Variants in AKAP6 observed in about 807,000 individuals in gnomAD.
AKAP6 encodes the protein A-kinase anchoring protein 6, also known as A-kinase anchor protein 6.
In AKAP6, 58 loss-of-function variants were observed where a neutral mutation model predicts 188.5. The ratio of observed to expected loss-of-function variants is 0.31; its 90% CI spans 0.25 to 0.38. AKAP6 has a LOEUF of 0.38. Ranked by LOEUF, AKAP6 falls within the 10% of genes least tolerant of loss-of-function variation. The pLI is 1.00. For missense variants in AKAP6, 2,710 were observed against 2,740.0 expected (o/e 0.99, Z 0.24); for synonymous variants, 989 against 998.6 (o/e 0.99, Z 0.18).
At chr14:32,697,889 A>G (rs1329987175) in intron 9 of AKAP6, among the ~76,000 whole-genome samples, 1 of 151,910 alleles carries the variant, frequency 6.6e-6, no homozygotes, top group Non-Finnish European at 1.5e-5. Flanking sequence ...CCCACTCAGA[A>G]CTTCTGGGTT....
At chr14:32,687,425 TC>T (rs1379705356) in intron 8 of AKAP6, among the ~76,000 whole-genome samples, 16 of 149,496 alleles carry the variant, frequency 1.1e-4, no homozygotes, top group African/African-American at 3.0e-4. Flanking sequence ...TCTCTCTCTC[TC>T]TCTCTCTCTC....
At chr14:32,682,996 T>TTTTTTTTTTTTGTTTTTGA (rs1445255344) in intron 8 of AKAP6, among the ~76,000 whole-genome samples, 59 of 102,806 alleles carry the variant, frequency 5.7e-4, no homozygotes, top group Middle Eastern at 4.4e-3. Context: ...TTTTTCTTCC[T>TTTTTTTTTTTTGTTTTTGA]TTTTTTTTTG....
At chr14:32,538,879 G>C (rs1023697217) in intron 3 of AKAP6, among the ~76,000 whole-genome samples, 1 of 152,008 alleles carries the variant, frequency 6.6e-6, no homozygotes, top group African/African-American at 2.4e-5. Context: ...TTTTAAAAAA[G>C]AAGAATTTAA....
chr14:32,364,974 G>A, intron 1 of AKAP6, among the ~76,000 whole-genome samples: 1 of 152,132 alleles, frequency 6.6e-6, no homozygotes, highest in East Asian at 1.9e-4. Context: ...AAATTAGCTA[G>A]AACCTAGACC....
chr14:32,697,546 A>T (rs1890454061), intron 9 of AKAP6, among the ~76,000 whole-genome samples: 1 of 152,228 alleles, frequency 6.6e-6, no homozygotes. Flanking sequence ...AGTGATAGAA[A>T]AATATTTTAT....
chr14:32,473,464 C>T (rs1330749287), intron 2 of AKAP6, among the ~76,000 whole-genome samples: 1 of 152,082 alleles, frequency 6.6e-6, no homozygotes, highest in Non-Finnish European at 1.5e-5. Context: ...TTAGAAAAGC[C>T]AGAAAATATA....
At chr14:32,473,263 G>T (rs2048015194) in intron 2 of AKAP6, among the ~76,000 whole-genome samples, 1 of 152,188 alleles carries the variant, frequency 6.6e-6, no homozygotes, top group Non-Finnish European at 1.5e-5. Context: ...AGAATGAGGT[G>T]TGGCCCTCAG....
intron 2 of AKAP6, among the ~76,000 whole-genome samples, chr14:32,495,877 T>C (rs1046207549): frequency 2.0e-5 from 3 of 152,204 alleles, no homozygotes; most frequent in African/African-American, 7.2e-5. Flanking sequence ...ACTACTCTTT[T>C]CCAAATAAAC....
intron 1 of AKAP6, among the ~76,000 whole-genome samples, chr14:32,406,938 A>G (rs1353672190): frequency 6.6e-6 from 1 of 152,248 alleles, no homozygotes; most frequent in Admixed American, 6.5e-5. Flanking sequence ...CTATAATTCT[A>G]CATAACAAAT....
intron 9 of AKAP6, among the ~76,000 whole-genome samples, chr14:32,714,474 A>G (rs1227218881): frequency 6.6e-6 from 1 of 151,982 alleles, no homozygotes; most frequent in Admixed American, 6.6e-5. Context: ...TAATTTCTAA[A>G]TACTACACTG....
intron 2 of AKAP6, among the ~76,000 whole-genome samples, chr14:32,453,335 C>T (rs375655156): frequency 6.6e-6 from 1 of 152,160 alleles, no homozygotes. Flanking sequence ...CTCTATCCAG[C>T]GTCCTTTCCT....
chr14:32,756,816 CCT>C (rs1320576036), intron 11 of AKAP6, among the ~76,000 whole-genome samples: 1 of 152,130 alleles, frequency 6.6e-6, no homozygotes, highest in Non-Finnish European at 1.5e-5. Flanking sequence ...CAGGGGCTGG[CCT>C]GGAGACTGGG....
At chr14:32,416,170 C>G (rs1282088528) in intron 1 of AKAP6, among the ~76,000 whole-genome samples, 6 of 152,178 alleles carry the variant, frequency 3.9e-5, no homozygotes, top group African/African-American at 1.4e-4. Context: ...CAACAATGCA[C>G]AAAGGTTCCA....
rs2034819772 is a variant in AKAP6 at position 32,831,549 on chromosome 14, T to G, written c.*1744T>G. ...AGATAGTTCAGAAACACTTTTTATC[T>G]GCAAGGCACTATTCTAGATCCAGAA... On this transcript the variant is annotated 3_prime_UTR_variant, in exon 14 of 14. Transcript: ENST00000280979. 6.6e-6 allele frequency: 1 copy of G among 152,234 alleles called. No homozygotes were observed. The allele number at this position is 152,234 out of a possible 1,614,324, so 9.4% of individuals were successfully genotyped here.
intron 12 of AKAP6, among the ~76,000 whole-genome samples, chr14:32,814,314 G>T (rs892715567): frequency 2.0e-5 from 3 of 152,060 alleles, no homozygotes; most frequent in African/African-American, 7.3e-5. Flanking sequence ...CAGTTCTGTG[G>T]CATTCACCAT....
Position 32,433,547 on chromosome 14 carries a change from C to A in AKAP6, c.54C>A (p.Pro18=). 1 of 1,614,118 alleles carries A rather than the reference C, an allele frequency of 6.2e-7. No individual in the cohort carries two copies. Among genetic ancestry groups the A allele is most frequent in the Non-Finnish European group, 8.5e-7 (1 of 1,180,024 alleles). ...CCCTGAGGTCACAGGACCTGGATCC[C>A]ATGGCTACTGATGCTTCACCCATGG... ...LSPLRSQDLD[P]MATDASPMAI... is the part of the protein sequence containing the mutation. The change falls in exon 2 of 14, where the codon CCC becomes CCA. Residue 18 remains proline (P), a synonymous_variant. Transcript: ENST00000280979.
At chr14:32,759,434 T>C (rs912557245) in intron 11 of AKAP6, among the ~76,000 whole-genome samples, 1 of 152,054 alleles carries the variant, frequency 6.6e-6, no homozygotes, top group African/African-American at 2.4e-5. Flanking sequence ...TTTTAGGAAA[T>C]GGAAGGATGT....
At position 32,818,091 on chromosome 14, in the gene AKAP6, A is replaced by G. The variant is rs2034433094; in HGVS notation, c.3589-3311A>G. 2.6e-5 allele frequency among the ~76,000 whole-genome samples: 4 copies of G among 152,332 alleles called. 1 individual carries two copies. The highest frequency in any genetic ancestry group is 2.6e-4 in the Admixed American group (4 of 15,302). On this transcript the variant is annotated intron_variant, in intron 12 of 13. Coordinates refer to ENST00000280979, the MANE Select transcript of AKAP6 (RefSeq NM_004274.5). ...CAACAGGAAGGGAGTGAGCGAGGGC[A>G]GAGTGAGTAGCACTTCTTTAATATG... is the stretch of plus-strand genomic sequence containing the variant.
intron 1 of AKAP6, among the ~76,000 whole-genome samples, chr14:32,335,842 C>CTTTT (rs375076849): frequency 1.4e-4 from 13 of 94,000 alleles, no homozygotes; most frequent in African/African-American, 2.2e-4. Context: ...TCCTTTTCTC[C>CTTTT]TTTTTTTTTT....
Sources: gnomAD v4.1 joint callset for allele counts (sites outside exome capture counted in the v4.1 genomes callset) on GRCh38, gnomAD v4.1.1 for gene constraint, MANE v1.5 for transcripts, NCBI Gene and HGNC (gene_info 2026-07-23, HGNC 2026-07-21) for gene names.